KCNJ3: variants seen among roughly 807,000 people sequenced by gnomAD.
KCNJ3 encodes the protein potassium inwardly rectifying channel subfamily J member 3.
A neutral mutation model predicts 39.2 loss-of-function variants in KCNJ3; 4 were observed. The ratio of observed to expected loss-of-function variants is 0.10; its 90% CI spans 0.05 to 0.23. The LOEUF is 0.23. Ranked by LOEUF, KCNJ3 falls within the 10% of genes least tolerant of loss-of-function variation. The probability of loss-of-function intolerance (pLI) is 1.00; values close to 1 mark genes in which losing one functional copy is unlikely to be tolerated. For missense variants in KCNJ3, 276 were observed against 634.9 expected (o/e 0.43, Z 6.08); for synonymous variants, 230 against 237.4 (o/e 0.97, Z 0.29).
intron 1 of KCNJ3, among the ~76,000 whole-genome samples, chr2:154,702,072 C>T (rs1684908216): frequency 6.6e-6 from 1 of 151,954 alleles, no homozygotes; most frequent in Non-Finnish European, 1.5e-5. Context: ...TGACCTAAAA[C>T]AGTCAACTGT....
chr2:154,854,984 G>A lies in KCNJ3; in HGVS notation c.1177G>A (p.Asp393Asn), dbSNP rs1449763338. The A allele has an allele frequency of 6.2e-7, 1 of 1,613,948 alleles. No homozygotes were observed. The highest frequency in any genetic ancestry group is 1.1e-5 in the South Asian group (1 of 91,080). Residue 393 changes from aspartate to asparagine, a missense_variant, in exon 3 of 3, where the codon GAT becomes AAT. By Grantham distance (23) the Asp-to-Asn change is conservative. This residue lies in a region of KCNJ3 where 126 missense variants were observed against 179.8 expected (regional missense o/e 0.70). Transcript: ENST00000295101. ...HNSVECLDGLDDITTKLPSKL... is the reference protein window; with the variant it reads ...HNSVECLDGLNDITTKLPSKL... ...TTCTGTGGAATGCTTAGATGGACTA[G>A]ATGATATTACTACAAAACTACCATC...
intron 2 of KCNJ3, among the ~76,000 whole-genome samples, chr2:154,723,311 G>A (rs1685295532): frequency 2.3e-5 from 3 of 132,314 alleles, no homozygotes. Flanking sequence ...AATAAAAGCA[G>A]GAAATATATA....
intron 2 of KCNJ3, among the ~76,000 whole-genome samples, chr2:154,742,903 G>A (rs918015213): frequency 3.3e-5 from 5 of 151,588 alleles, no homozygotes; most frequent in African/African-American, 1.2e-4. Context: ...TTTTATTTTA[G>A]TTATCTTTAC....
chr2:154,835,909 A>AT (rs1247357211), intron 2 of KCNJ3, among the ~76,000 whole-genome samples: 2 of 152,134 alleles, frequency 1.3e-5, no homozygotes, highest in Non-Finnish European at 2.9e-5. Context: ...TTGGCTCTTG[A>AT]TTTTAACAGA....
At chr2:154,754,875 T>C (rs976644870) in intron 2 of KCNJ3, among the ~76,000 whole-genome samples, 5 of 152,076 alleles carry the variant, frequency 3.3e-5, no homozygotes, top group African/African-American at 1.2e-4. Context: ...GTGGTTGGAG[T>C]TTTAAAGTAG....
chr2:154,770,077 A>T (rs1686212506), intron 2 of KCNJ3, among the ~76,000 whole-genome samples: 1 of 152,216 alleles, frequency 6.6e-6, no homozygotes, highest in Non-Finnish European at 1.5e-5. Flanking sequence ...TTTCAGAATG[A>T]GTTGCACACC....
chr2:154,810,804 T>C (rs1686996728), intron 2 of KCNJ3, among the ~76,000 whole-genome samples: 1 of 147,036 alleles, frequency 6.8e-6, no homozygotes, highest in African/African-American at 2.5e-5. Flanking sequence ...CTCAGGCTAG[T>C]AAAATTTAAG....
chr2:154,810,579 A>G (rs1686991772), intron 2 of KCNJ3, among the ~76,000 whole-genome samples: 1 of 152,204 alleles, frequency 6.6e-6, no homozygotes, highest in Non-Finnish European at 1.5e-5. Flanking sequence ...AGAAGAATGA[A>G]AAATAAATTT....
At chr2:154,813,056 G>A (rs1320053937) in intron 2 of KCNJ3, among the ~76,000 whole-genome samples, 2 of 152,068 alleles carry the variant, frequency 1.3e-5, no homozygotes, top group Non-Finnish European at 2.9e-5. Context: ...GTTAGTAAGG[G>A]TAACTCATTA....
intron 2 of KCNJ3, among the ~76,000 whole-genome samples, chr2:154,716,885 G>T (rs190648752): frequency 2.6e-5 from 4 of 152,314 alleles, no homozygotes; most frequent in African/African-American, 9.6e-5. Context: ...TAATCAGTAA[G>T]TGTTTGTTGA....
intron 2 of KCNJ3, among the ~76,000 whole-genome samples, chr2:154,727,591 C>CAAAAAAAAA (rs546038652): frequency 6.6e-5 from 6 of 91,326 alleles, no homozygotes; most frequent in Admixed American, 1.4e-4. Context: ...GAAACTCCGT[C>CAAAAAAAAA]AAAAAAAAAA....
chr2:154,712,910 G>A (rs1454442015), intron 2 of KCNJ3, among the ~76,000 whole-genome samples: 1 of 152,076 alleles, frequency 6.6e-6, no homozygotes, highest in Non-Finnish European at 1.5e-5. Flanking sequence ...TATCCAGAAG[G>A]CCCTTTTGGT....
chr2:154,830,012 C>G (rs1687337431), intron 2 of KCNJ3, among the ~76,000 whole-genome samples: 5 of 152,126 alleles, frequency 3.3e-5, no homozygotes, highest in Non-Finnish European at 7.4e-5. Context: ...ATTCTAGTAG[C>G]AACCTCTAAT....
At chr2:154,836,922 G>T (rs62170839) in intron 2 of KCNJ3, among the ~76,000 whole-genome samples, 6 of 152,164 alleles carry the variant, frequency 3.9e-5, no homozygotes, top group African/African-American at 1.4e-4. Context: ...AGATGTGGCA[G>T]CCTATGTAAA....
chr2:154,857,154 A>G lies in KCNJ3; in HGVS notation c.*1841A>G, dbSNP rs1407143914. The stretch of plus-strand genomic sequence containing the variant: ...TGGAGTGTGCATCCACTGTGAATGG[A>G]GCAAATTGCCCTATACCCATTGATA... On this transcript the variant is annotated 3_prime_UTR_variant, in exon 3 of 3. Transcript: ENST00000295101. The G allele has an allele frequency of 6.6e-6, 1 of 152,166 alleles. No homozygotes were observed. The highest frequency in any genetic ancestry group is 6.5e-5 in the Admixed American group (1 of 15,272). The allele number at this position is 152,166 out of a possible 1,614,324, so 9.4% of individuals were successfully genotyped here.
Position 154,823,406 on chromosome 2 carries a change from C to CT in KCNJ3, c.920-31306dup, listed in dbSNP as rs55722860. Among the ~76,000 whole-genome samples, 139 of 145,600 alleles carry CT rather than the reference C, an allele frequency of 9.5e-4. 4 individuals are homozygous for CT. The South Asian group carries it at 0.018, about 19-fold the overall frequency. On this transcript the variant is annotated intron_variant, in intron 2 of 2. Transcript: ENST00000295101. The stretch of plus-strand genomic sequence containing the variant: ...CAGTACCGTAGAAACTTTCCACATT[C>CT]TTTTTTTTTTTTTTTACATCGAGTC...
intron 2 of KCNJ3, among the ~76,000 whole-genome samples, chr2:154,753,767 A>G (rs1245920382): frequency 6.6e-6 from 1 of 152,198 alleles, no homozygotes; most frequent in Non-Finnish European, 1.5e-5. Flanking sequence ...AGACATTCAA[A>G]TAATTATACA....
intron 2 of KCNJ3, among the ~76,000 whole-genome samples, chr2:154,765,190 C>A (rs1170681718): frequency 6.6e-6 from 1 of 152,140 alleles, no homozygotes; most frequent in African/African-American, 2.4e-5. Context: ...CCAAATGTCC[C>A]ATGGGGAGCA....
intron 2 of KCNJ3, among the ~76,000 whole-genome samples, chr2:154,783,732 A>G (rs1243721957): frequency 6.6e-6 from 1 of 152,158 alleles, no homozygotes; most frequent in Non-Finnish European, 1.5e-5. Flanking sequence ...AACCCAGGTG[A>G]CCTTATACCC....
Sources: gnomAD v4.1 joint callset for allele counts (sites outside exome capture counted in the v4.1 genomes callset) on GRCh38, gnomAD v4.1.1 for gene constraint, gnomAD v4.1.1 regional missense constraint, MANE v1.5 for transcripts, NCBI Gene and HGNC (gene_info 2026-07-23, HGNC 2026-07-21) for gene names.